The following AKAP13 variants were observed in gnomAD, a reference collection of about 807,000 sequenced individuals.
AKAP13 encodes the protein A-kinase anchor protein 13.
Under a neutral mutation model 264.5 loss-of-function variants are expected in AKAP13, and 80 were observed. That is an observed-to-expected ratio of 0.30 (90% CI 0.25 to 0.36). The LOEUF (loss-of-function observed/expected upper bound fraction) is 0.36. Ranked by LOEUF, AKAP13 falls within the 10% of genes least tolerant of loss-of-function variation. The probability of loss-of-function intolerance (pLI) is 1.00; values close to 1 mark genes in which losing one functional copy is unlikely to be tolerated. For missense variants in AKAP13, 3,712 were observed against 3,435.2 expected (o/e 1.08, Z -2.01); for synonymous variants, 1,380 against 1,250.2 (o/e 1.10, Z -2.19).
At chr15:85,700,956 C>A (rs180192) in intron 17 of AKAP13, among the ~76,000 whole-genome samples, 15,575 of 152,158 alleles carry the variant, frequency 0.1, 1,055 homozygotes, top group East Asian at 0.33. Context: ...GCACCTCTGA[C>A]CTCACGTTTT....
intron 3 of AKAP13, among the ~76,000 whole-genome samples, chr15:85,526,698 A>AC (rs1448800818): frequency 6.6e-6 from 1 of 151,328 alleles, no homozygotes; most frequent in African/African-American, 2.4e-5. Flanking sequence ...GAATTCTGAC[A>AC]CCCCCCATCC....
At position 85,664,739 on chromosome 15, in the gene AKAP13, G is replaced by T; in HGVS notation, c.4976G>T (p.Arg1659Met). 1 of 1,612,592 alleles carries T rather than the reference G, an allele frequency of 6.2e-7. No homozygotes were observed. The highest frequency in any genetic ancestry group is 8.5e-7 in the Non-Finnish European group (1 of 1,179,512). ...CTGGAGTCAGACCAGAGAGAACATAGGATGTTTGATCAGCAGGTAAGTCTT... is the reference window on the plus strand; with the variant it reads ...CTGGAGTCAGACCAGAGAGAACATATGATGTTTGATCAGCAGGTAAGTCTT... Reference protein sequence around the residue: ...EDLESDQREHRMFDQQICHRS... With the variant: ...EDLESDQREHMMFDQQICHRS... The change falls in exon 13 of 37, where the codon AGG (arginine) becomes ATG (methionine). Residue 1659 changes from arginine (R) to methionine (M), a missense_variant. Physicochemically the swap from Arg to Met is moderately conservative, Grantham distance 91. Transcript: ENST00000394518.
intron 8 of AKAP13, among the ~76,000 whole-genome samples, chr15:85,630,211 CATG>C (rs2081673640): frequency 5.2e-5 from 1 of 19,214 alleles, no homozygotes; most frequent in Non-Finnish European, 1.0e-4. Context: ...ACACACACAT[CATG>C]AACTAAGATG....
At chr15:85,415,808 A>T (rs1051580704) in intron 1 of AKAP13, among the ~76,000 whole-genome samples, 38 of 151,734 alleles carry the variant, frequency 2.5e-4, no homozygotes, top group African/African-American at 9.2e-4. Flanking sequence ...AATTAGGATC[A>T]TCCCTTTGGT....
At chr15:85,541,182 TA>T (rs2077570647) in intron 4 of AKAP13, among the ~76,000 whole-genome samples, 1 of 152,242 alleles carries the variant, frequency 6.6e-6, no homozygotes, top group African/African-American at 2.4e-5. Flanking sequence ...TCATTGTATA[TA>T]AATCACCTAA....
intron 17 of AKAP13, among the ~76,000 whole-genome samples, chr15:85,706,636 C>T (rs1166071259): frequency 2.6e-5 from 4 of 152,140 alleles, no homozygotes; most frequent in East Asian, 1.9e-4. Flanking sequence ...GCTGTGTCAG[C>T]GCATTCATCT....
intron 9 of AKAP13, among the ~76,000 whole-genome samples, chr15:85,641,136 G>A (rs2082289098): frequency 6.6e-6 from 1 of 152,038 alleles, no homozygotes. Context: ...GAGAGCAATA[G>A]CATTAGACCA....
At chr15:85,637,328 A>G (rs1404658852) in intron 8 of AKAP13, among the ~76,000 whole-genome samples, 2 of 152,252 alleles carry the variant, frequency 1.3e-5, no homozygotes, top group Non-Finnish European at 2.9e-5. Flanking sequence ...CTTTAATAGA[A>G]TAAGGCTATT....
chr15:85,526,922 A>G (rs1412317057), intron 3 of AKAP13, among the ~76,000 whole-genome samples: 4 of 151,978 alleles, frequency 2.6e-5, no homozygotes, highest in Admixed American at 2.0e-4. Flanking sequence ...TTGAAGAGGA[A>G]AAAAATCTGT....
chr15:85,567,210 C>T (rs57377428), intron 5 of AKAP13, among the ~76,000 whole-genome samples: 12,613 of 152,028 alleles, frequency 0.083, 820 homozygotes, highest in East Asian at 0.36. Context: ...CGGGTTCAAA[C>T]GATTCTCCTG....
At chr15:85,636,469 C>A (rs1468192622) in intron 8 of AKAP13, among the ~76,000 whole-genome samples, 1 of 152,154 alleles carries the variant, frequency 6.6e-6, no homozygotes, top group Non-Finnish European at 1.5e-5. Flanking sequence ...GGTTACTGAT[C>A]TCAGAATGAA....
At chr15:85,452,133 A>G (rs1397407601) in intron 1 of AKAP13, among the ~76,000 whole-genome samples, 6 of 148,714 alleles carry the variant, frequency 4.0e-5, no homozygotes, top group Non-Finnish European at 7.4e-5. Context: ...TTCTTTCCTT[A>G]GCTTTGGTTT....
At position 85,521,457 on chromosome 15, in the gene AKAP13, T is replaced by C; in HGVS notation, c.63T>C (p.Ala21=). ...ATTGTGTTGTTACAGTGCTGCTTGC[T>C]GAAGAGGACAAAGCTGAAGATGATG... ...YGDCVVTVLL[A]EEDKAEDDVV... The change falls in exon 3 of 37, where the codon GCT becomes GCC. Residue 21 remains alanine (A), a synonymous_variant. Coordinates refer to ENST00000394518, the MANE Select transcript of AKAP13 (RefSeq NM_007200.5). 2 of 1,614,176 alleles carry C rather than the reference T, an allele frequency of 1.2e-6. No homozygotes were observed. Among genetic ancestry groups the C allele is most frequent in the South Asian group, 2.2e-5 (2 of 91,082 alleles).
At chr15:85,485,532 T>C (rs956926331) in intron 1 of AKAP13, among the ~76,000 whole-genome samples, 178 bp from the exon 2 acceptor site, 43 of 152,328 alleles carry the variant, frequency 2.8e-4, no homozygotes, top group Admixed American at 2.3e-3. Context: ...TGGGATCAAT[T>C]CCTGACCCCG....
intron 2 of AKAP13, among the ~76,000 whole-genome samples, chr15:85,497,298 G>T (rs180803353): frequency 1.3e-5 from 2 of 152,212 alleles, no homozygotes; most frequent in Non-Finnish European, 2.9e-5. Context: ...AGATGCATGC[G>T]TAGATAAATT....
intron 15 of AKAP13, among the ~76,000 whole-genome samples, chr15:85,684,053 G>A (rs2084760860): frequency 6.6e-6 from 1 of 152,234 alleles, no homozygotes; most frequent in Non-Finnish European, 1.5e-5. Flanking sequence ...AAGGAACTTG[G>A]ATATGTGGTC....
Position 85,601,608 on chromosome 15 carries a change from T to TGTGTG in AKAP13, c.4161+15785_4161+15786insGTGTG, listed in dbSNP as rs2080075703. Reference sequence around the variant, plus strand: ...TCTCATCTTCTCTCACCTGAATTCTTTGTGTGTGTGTGTGTGTGTGTGTGT... The same window carrying TGTGTG: ...TCTCATCTTCTCTCACCTGAATTCTTGTGTGTGTGTGTGTGTGTGTGTGTGTGTGT... On this transcript the variant is annotated intron_variant, in intron 8 of 36. Transcript: ENST00000394518. Among the ~76,000 whole-genome samples, 289 of 132,078 alleles carry TGTGTG rather than the reference T, an allele frequency of 2.2e-3. 3 individuals carry two copies. Among genetic ancestry groups the TGTGTG allele is most frequent in the African/African-American group, 7.7e-3 (272 of 35,112 alleles). The allele number at this position is 132,078 out of a possible 152,430, so 86.6% of individuals were successfully genotyped here. A position where few individuals can be genotyped will look rare whatever the true frequency, so the allele number is the denominator to read the frequency against.
At chr15:85,425,730 AAAAG>A (rs1384000067) in intron 1 of AKAP13, among the ~76,000 whole-genome samples, 4 of 151,790 alleles carry the variant, frequency 2.6e-5, no homozygotes. Context: ...AAAAAAAAAA[AAAAG>A]AACTTACCTC....
At chr15:85,396,238 G>T (rs890158471) in intron 1 of AKAP13, among the ~76,000 whole-genome samples, 9 of 152,142 alleles carry the variant, frequency 5.9e-5, no homozygotes, top group Non-Finnish European at 1.2e-4. Flanking sequence ...CAAGTTTGGT[G>T]GTAAAATCTA....
Sources: allele counts gnomAD v4.1 joint callset (sites outside exome capture counted in the v4.1 genomes callset), GRCh38; gene constraint gnomAD v4.1.1; transcripts MANE v1.5; gene names NCBI Gene and HGNC (gene_info 2026-07-23, HGNC 2026-07-21).